TAFA2: variants seen among roughly 807,000 people sequenced by gnomAD.
TAFA2 encodes TAFA chemokine like family member 2.
A neutral mutation model predicts 18.8 loss-of-function variants in TAFA2; 7 were observed. That is an observed-to-expected ratio of 0.37 (90% CI 0.21 to 0.70). TAFA2 has a LOEUF of 0.70. Ranked by LOEUF, TAFA2 falls within the 30% of genes least tolerant of loss-of-function variation. TAFA2 has a pLI of 0.53. For synonymous variants in TAFA2, 60 were observed against 54.2 expected (o/e 1.11, Z -0.47); for missense variants, 122 against 158.1 (o/e 0.77, Z 1.23).
At chr12:62,091,301 G>A (rs979585318) in intron 1 of TAFA2, among the ~76,000 whole-genome samples, 7 of 151,856 alleles carry the variant, frequency 4.6e-5, no homozygotes, top group African/African-American at 1.7e-4. Flanking sequence ...AATTGATGAT[G>A]TTAAATAACA....
chr12:61,735,120 C>G (rs1443765702), intron 4 of TAFA2, among the ~76,000 whole-genome samples: 1 of 151,996 alleles, frequency 6.6e-6, no homozygotes, highest in African/African-American at 2.4e-5. Flanking sequence ...TAGGCAGGCA[C>G]TAACACAAGC....
At chr12:61,727,189 C>G (rs1450142005) in intron 4 of TAFA2, among the ~76,000 whole-genome samples, 1 of 151,652 alleles carries the variant, frequency 6.6e-6, no homozygotes, top group Non-Finnish European at 1.5e-5. Context: ...CTGTAGTTTT[C>G]TTTTTTTATG....
At chr12:61,972,545 T>C (rs1487856565) in intron 1 of TAFA2, among the ~76,000 whole-genome samples, 1 of 151,640 alleles carries the variant, frequency 6.6e-6, no homozygotes, top group Non-Finnish European at 1.5e-5. Context: ...ACTGATGATA[T>C]GCATGGTATA....
At chr12:62,144,739 G>A in intron 1 of TAFA2, among the ~76,000 whole-genome samples, 1 of 152,140 alleles carries the variant, frequency 6.6e-6, no homozygotes, top group Non-Finnish European at 1.5e-5. Context: ...CCCAACCTAT[G>A]TCCTATGTCA....
At chr12:61,747,493 A>C (rs1234018965) in intron 4 of TAFA2, among the ~76,000 whole-genome samples, 2 of 147,888 alleles carry the variant, frequency 1.4e-5, no homozygotes, top group Non-Finnish European at 3.0e-5. Context: ...AGACTGGATT[A>C]AGAAAATGTG....
intron 2 of TAFA2, among the ~76,000 whole-genome samples, chr12:61,847,081 T>C (rs1873436710): frequency 6.6e-6 from 1 of 152,168 alleles, no homozygotes; most frequent in Admixed American, 6.6e-5. Context: ...TCTCTTACTT[T>C]CATCGACCCA....
intron 1 of TAFA2, among the ~76,000 whole-genome samples, chr12:61,938,229 G>GC (rs1565688176): frequency 1.6e-5 from 1 of 62,870 alleles, no homozygotes; most frequent in Non-Finnish European, 3.1e-5. Flanking sequence ...AATAGATATG[G>GC]TAAAAAAAAA....
At chr12:61,966,875 T>C (rs768134060) in intron 1 of TAFA2, among the ~76,000 whole-genome samples, 1 of 151,894 alleles carries the variant, frequency 6.6e-6, no homozygotes. Context: ...GGAGATTTCA[T>C]GAATGATTGT....
intron 1 of TAFA2, among the ~76,000 whole-genome samples, chr12:62,152,443 A>C (rs528254537): frequency 1.3e-5 from 2 of 152,216 alleles, no homozygotes; most frequent in Non-Finnish European, 2.9e-5. Flanking sequence ...GATTTTACTT[A>C]TGCATGGATT....
chr12:62,177,987 A>G (rs1363103227), intron 1 of TAFA2, among the ~76,000 whole-genome samples: 2 of 152,150 alleles, frequency 1.3e-5, no homozygotes, highest in Non-Finnish European at 2.9e-5. Context: ...CTTTCTAAAT[A>G]TCAGAGGAGG....
In TAFA2 at chr12:62,186,423, A is replaced by G. The variant is rs192067978; in HGVS notation, c.-2+4836T>C. Among the ~76,000 whole-genome samples the G allele has an allele frequency of 1.0e-3, 157 of 152,294 alleles. 2 individuals carry two copies. Among genetic ancestry groups the G allele is most frequent in the African/African-American group, 3.5e-3 (147 of 41,596 alleles). On this transcript the variant is annotated intron_variant, in intron 1 of 4. Transcript: ENST00000416284. Reference sequence around the variant, plus strand: ...GAGAGTTAGCTTTACATAGTACAGGAGACTTGTTCAGCTGGTTCTCTTCAT... The same window carrying G: ...GAGAGTTAGCTTTACATAGTACAGGGGACTTGTTCAGCTGGTTCTCTTCAT...
At position 62,108,917 on chromosome 12, in the gene TAFA2, C is replaced by T. The variant is rs576728900; in HGVS notation, c.-2+82342G>A. Among the ~76,000 whole-genome samples the T allele has an allele frequency of 2.2e-4, 34 of 152,226 alleles. 1 individual carries two copies. The highest frequency in any genetic ancestry group is 4.3e-4 in the Non-Finnish European group (29 of 68,014). On this transcript the variant is annotated intron_variant, in intron 1 of 4. Coordinates refer to ENST00000416284, the MANE Select transcript of TAFA2 (RefSeq NM_178539.5). ...TGGAAAGATTGCAAAATTTTTCTCC[C>T]ATTCTGTAGCTTGCTGGTTCATTCT...
At chr12:61,745,374 A>G (rs1408969612) in intron 4 of TAFA2, among the ~76,000 whole-genome samples, 1 of 152,066 alleles carries the variant, frequency 6.6e-6, no homozygotes, top group African/African-American at 2.4e-5. Context: ...AGCCACAAGC[A>G]TCATTTCTAC....
chr12:62,124,997 C>G (rs1259388560), intron 1 of TAFA2, among the ~76,000 whole-genome samples: 1 of 152,024 alleles, frequency 6.6e-6, no homozygotes, highest in Non-Finnish European at 1.5e-5. Context: ...AATTTCAAAA[C>G]AGTGAAAACG....
chr12:61,995,545 G>A (rs964136895), intron 1 of TAFA2, among the ~76,000 whole-genome samples: 3 of 152,148 alleles, frequency 2.0e-5, no homozygotes, highest in South Asian at 4.2e-4. Flanking sequence ...GGACCAGGTC[G>A]ACCTTTTTCA....
intron 2 of TAFA2, among the ~76,000 whole-genome samples, chr12:61,783,996 G>A (rs1214136168): frequency 6.6e-6 from 1 of 151,432 alleles, no homozygotes; most frequent in African/African-American, 2.4e-5. Flanking sequence ...AGATTAAATA[G>A]AAATAGGAGG....
At chr12:61,734,112 T>C (rs1216632620) in intron 4 of TAFA2, among the ~76,000 whole-genome samples, 1 of 150,732 alleles carries the variant, frequency 6.6e-6, no homozygotes, top group African/African-American at 2.4e-5. Flanking sequence ...GTGATTTTTG[T>C]ACATTGATTT....
chr12:62,164,035 G>T (rs751163414), intron 1 of TAFA2, among the ~76,000 whole-genome samples: 10 of 152,062 alleles, frequency 6.6e-5, no homozygotes, highest in Non-Finnish European at 1.3e-4. Flanking sequence ...AACAGAAAAT[G>T]AAAATGTTAT....
At chr12:62,143,238 C>G (rs1280515717) in intron 1 of TAFA2, among the ~76,000 whole-genome samples, 2 of 152,176 alleles carry the variant, frequency 1.3e-5, no homozygotes, top group Non-Finnish European at 2.9e-5. Flanking sequence ...AGACTAACAG[C>G]CTTCTTTATC....
Sources: allele counts gnomAD v4.1 joint callset (sites outside exome capture counted in the v4.1 genomes callset), GRCh38; gene constraint gnomAD v4.1.1; transcripts MANE v1.5; gene names NCBI Gene and HGNC (gene_info 2026-07-23, HGNC 2026-07-21).